ZNF280D: variants seen among roughly 807,000 people sequenced by gnomAD.
ZNF280D encodes the protein suppressor of hairy wing homolog 4.
Under a neutral mutation model 94.7 loss-of-function variants are expected in ZNF280D, and 39 were observed. The observed-to-expected ratio is 0.41, with a 90% CI of 0.32 to 0.54. The LOEUF (loss-of-function observed/expected upper bound fraction) is 0.54, where lower values mean the gene tolerates loss of function less well. ZNF280D is among the 20% of genes least tolerant of loss of function. ZNF280D has a pLI of 0.22. For synonymous variants in ZNF280D, 398 were observed against 377.6 expected (o/e 1.05, Z -0.63); for missense variants, 1,090 against 1,149.3 (o/e 0.95, Z 0.75).
At chr15:56,668,496 T>A (rs1474795289) in intron 14 of ZNF280D, among the ~76,000 whole-genome samples, 1 of 152,096 alleles carries the variant, frequency 6.6e-6, no homozygotes, top group African/African-American at 2.4e-5. Context: ...ATCTCAAGCA[T>A]CTTATAGTTT....
At chr15:56,665,322 G>C (rs2054210944) in intron 16 of ZNF280D, among the ~76,000 whole-genome samples, 1 of 151,978 alleles carries the variant, frequency 6.6e-6, no homozygotes, top group Non-Finnish European at 1.5e-5. Flanking sequence ...AAACTCTCAG[G>C]TTTATATCTA....
chr15:56,642,968 T>C lies in ZNF280D; in HGVS notation c.2243A>G (p.Gln748Arg). The part of the protein sequence containing the change: ...ELKKEAPAKE[Q>R]EPVSKEIARP... ...AAACTTTACCTTAGACACAGGTTCT[T>C]GTTCCTTTGCGGGAGCTTCTTTTTT... The change falls in exon 20 of 22, where the codon CAA becomes CGA. Residue 748 changes from glutamine to arginine, a missense_variant. Gln to Arg is a conservative substitution (Grantham distance 43, BLOSUM62 1). Around this residue, in one of 3 missense-constraint regions of ZNF280D, gnomAD observed 577 missense variants for 568.8 expected, o/e 1.01. Transcript: ENST00000267807. 1 of 1,511,582 alleles carries C rather than the reference T, an allele frequency of 6.6e-7. No individual in the cohort carries two copies. Among genetic ancestry groups the C allele is most frequent in the Non-Finnish European group, 8.8e-7 (1 of 1,134,472 alleles). 93.6% of individuals were successfully genotyped at this position (1,511,582 alleles called of 1,614,324 possible). A position where few individuals can be genotyped will look rare whatever the true frequency, so the allele number is the denominator to read the frequency against.
chr15:56,706,497 AC>A (rs2057411710), intron 3 of ZNF280D, among the ~76,000 whole-genome samples: 1 of 151,766 alleles, frequency 6.6e-6, no homozygotes, highest in Non-Finnish European at 1.5e-5. Flanking sequence ...TAACAAACAA[AC>A]AAAAAACGAG....
At chr15:56,643,558 T>C (rs1275816466) in intron 19 of ZNF280D, among the ~76,000 whole-genome samples, 1 of 151,702 alleles carries the variant, frequency 6.6e-6, no homozygotes, top group Non-Finnish European at 1.5e-5. Context: ...TGCTCAAATA[T>C]TAAAACTTCT....
At position 56,707,151 on chromosome 15, in the gene ZNF280D, C is replaced by T. The variant is rs755618940; in HGVS notation, c.-41-1G>A. The T allele has an allele frequency of 1.2e-6, 2 of 1,613,436 alleles. No homozygotes were observed. The highest frequency in any genetic ancestry group is 2.7e-5 in the African/African-American group (2 of 74,894). ...CTTTCTGTAAATTGTCACCTAAGTA[C>T]TGACACATGATATCAGTCAATTTAA... On this transcript the variant is annotated splice_acceptor_variant, in intron 2 of 21. Coordinates refer to ENST00000267807, the MANE Select transcript of ZNF280D (RefSeq NM_017661.4). LOFTEE classifies it low-confidence loss of function (5UTR_SPLICE).
intron 9 of ZNF280D, among the ~76,000 whole-genome samples, chr15:56,686,257 G>T (rs1351450209): frequency 1.3e-5 from 2 of 152,176 alleles, no homozygotes; most frequent in African/African-American, 2.4e-5. Flanking sequence ...TCTCGCCTCA[G>T]CCTCCCAAGC....
intron 9 of ZNF280D, 175 bp downstream of exon 9, chr15:56,688,866 T>C (rs2056237468): frequency 4.8e-6 from 2 of 412,856 alleles, no homozygotes; most frequent in Non-Finnish European, 8.6e-6. Flanking sequence ...TTTTAAAATT[T>C]GAGGATTTAG....
rs111988946 is a variant in ZNF280D at position 56,660,986 on chromosome 15, G to A, written c.1995-2500C>T. 3.3e-5 allele frequency among the ~76,000 whole-genome samples: 5 copies of A among 151,028 alleles called. 1 individual carries two copies. The highest frequency in any genetic ancestry group is 1.2e-4 in the African/African-American group (5 of 41,150). On this transcript the variant is annotated intron_variant, in intron 16 of 21. Transcript: ENST00000267807. Reference sequence around the variant, plus strand: ...TATGGTTGCTTGGGGGGAGTGTTTGGGGGAGAAAGGGGATGGCACAGAATG... The same window carrying A: ...TATGGTTGCTTGGGGGGAGTGTTTGAGGGAGAAAGGGGATGGCACAGAATG...
At chr15:56,633,158 A>T (rs558453126) in intron 21 of ZNF280D, among the ~76,000 whole-genome samples, 1 of 152,288 alleles carries the variant, frequency 6.6e-6, no homozygotes, top group Admixed American at 6.5e-5. Flanking sequence ...CTTACATTTA[A>T]TCTGACATTT....
At chr15:56,708,282 A>G (rs1342159931) in intron 1 of ZNF280D, among the ~76,000 whole-genome samples, 1 of 152,178 alleles carries the variant, frequency 6.6e-6, no homozygotes, top group Non-Finnish European at 1.5e-5. Context: ...TTACTATCAC[A>G]TGAGACTCTA....
At chr15:56,709,829 A>G (rs2141279848) in intron 1 of ZNF280D, among the ~76,000 whole-genome samples, 1 of 152,208 alleles carries the variant, frequency 6.6e-6, no homozygotes, top group South Asian at 2.1e-4. Flanking sequence ...GGACACAGGA[A>G]GGGGAACATC....
At chr15:56,682,543 A>T (rs1409908552) in intron 9 of ZNF280D, 66 bp from the exon 10 acceptor site, 12 of 1,056,694 alleles carry the variant, frequency 1.1e-5, no homozygotes, top group Non-Finnish European at 1.6e-5. Flanking sequence ...ACATACCAAA[A>T]AGTGATTGTG....
chr15:56,632,922 G>A (rs1403323175), intron 21 of ZNF280D, among the ~76,000 whole-genome samples: 2 of 151,650 alleles, frequency 1.3e-5, no homozygotes, highest in African/African-American at 2.4e-5. Context: ...AAAAGTATAT[G>A]TAAATATATA....
In ZNF280D at chr15:56,631,384, G is replaced by T; in HGVS notation, c.*114C>A. ...GAACATACAGGTAAAGTGTATGTGT[G>T]ACCTCCCTTACATATTTCCATTTCT... is the stretch of plus-strand genomic sequence containing the variant. On this transcript the variant is annotated 3_prime_UTR_variant, in exon 22 of 22. Transcript: ENST00000267807. 3 of 1,089,738 alleles carry T rather than the reference G, an allele frequency of 2.8e-6. No individual in the cohort carries two copies. Among genetic ancestry groups the T allele is most frequent in the Non-Finnish European group, 4.0e-6 (3 of 749,222 alleles). The allele number at this position is 1,089,738 out of a possible 1,614,324, so 67.5% of individuals were successfully genotyped here. A position where few individuals can be genotyped will look rare whatever the true frequency, so the allele number is the denominator to read the frequency against.
intron 9 of ZNF280D, among the ~76,000 whole-genome samples, chr15:56,683,946 A>C (rs1328194466): frequency 6.6e-6 from 1 of 152,204 alleles, no homozygotes; most frequent in African/African-American, 2.4e-5. Flanking sequence ...GTGGTAACAG[A>C]TCTTAAAGGG....
chr15:56,709,722 G>C (rs912985848), intron 1 of ZNF280D, among the ~76,000 whole-genome samples: 5 of 152,130 alleles, frequency 3.3e-5, no homozygotes, highest in African/African-American at 1.2e-4. Flanking sequence ...CATGGATGAA[G>C]CTGGAATCCA....
chr15:56,733,423 C>T, intron 1 of ZNF280D, 35 bp downstream of exon 1: 1 of 1,035,022 alleles, frequency 9.7e-7, no homozygotes, highest in Non-Finnish European at 1.2e-6. Context: ...CTGCCTGCTG[C>T]AGCGCAGGGC....
chr15:56,656,304 A>T (rs1361025199), intron 17 of ZNF280D, among the ~76,000 whole-genome samples: 1 of 152,228 alleles, frequency 6.6e-6, no homozygotes, highest in Non-Finnish European at 1.5e-5. Flanking sequence ...TGTCATATAG[A>T]ATTATAACTA....
chr15:56,658,479 T>G lies in ZNF280D; in HGVS notation c.2002A>C (p.Ser668Arg). 2 of 1,572,474 alleles carry G rather than the reference T, an allele frequency of 1.3e-6. No homozygotes were observed. The highest frequency in any genetic ancestry group is 8.6e-7 in the Non-Finnish European group (1 of 1,165,100). ...CAAAACCTTTTGCTTGGACGGTTAC[T>G]ATGAAAGCTGGAGAAACAAAAGAGA... ...AYVNHMMSFHSNRPSKRFCIF... is the reference protein window; with the variant it reads ...AYVNHMMSFHRNRPSKRFCIF... The change falls in exon 17 of 22, where the codon AGT becomes CGT. Residue 668 changes from serine (S) to arginine (R), a missense_variant. Around this residue, in one of 3 missense-constraint regions of ZNF280D, gnomAD observed 577 missense variants for 568.8 expected, o/e 1.01. Transcript: ENST00000267807.
Sources: gnomAD v4.1 joint callset for allele counts (sites outside exome capture counted in the v4.1 genomes callset) on GRCh38, gnomAD v4.1.1 for gene constraint, gnomAD v4.1.1 regional missense constraint, MANE v1.5 for transcripts, NCBI Gene and HGNC (gene_info 2026-07-23, HGNC 2026-07-21) for gene names.